NBAS: variants seen among roughly 807,000 people sequenced by gnomAD.
The protein encoded by NBAS is NAG/BC035112 fusion.
In NBAS, 219 loss-of-function variants were observed where a neutral mutation model predicts 302.5. That is an observed-to-expected ratio of 0.72 (90% CI 0.65 to 0.81). The LOEUF is 0.81. Among genes scored for constraint, NBAS ranks in the 30% least tolerant of loss-of-function variants. The pLI, the probability that NBAS is intolerant of heterozygous loss-of-function variation, is 0.00. For missense variants in NBAS, 2,932 were observed against 2,841.6 expected (o/e 1.03, Z -0.72); for synonymous variants, 1,118 against 1,021.6 (o/e 1.09, Z -1.80).
At chr2:15,047,490 T>C in the NBAS span, among the ~76,000 whole-genome samples, 2 of 151,022 alleles carry the variant, frequency 1.3e-5, no homozygotes, top group African/African-American at 4.9e-5. Flanking sequence ...CTTATGCCAG[T>C]AAGGGCTAGG....
the NBAS span, among the ~76,000 whole-genome samples, chr2:15,059,064 GT>G: frequency 6.6e-6 from 1 of 152,156 alleles, no homozygotes; most frequent in Non-Finnish European, 1.5e-5. Flanking sequence ...TTCAGCCCCT[GT>G]TTTGGGATTC....
chr2:14,922,537 C>T, the NBAS span, among the ~76,000 whole-genome samples: 3 of 152,224 alleles, frequency 2.0e-5, no homozygotes, highest in Non-Finnish European at 2.9e-5. Flanking sequence ...CCTCACATGG[C>T]CTTTTCTCTG....
At chr2:15,273,096 C>T (rs1669404474) in intron 44 of NBAS, among the ~76,000 whole-genome samples, 1 of 152,154 alleles carries the variant, frequency 6.6e-6, no homozygotes, top group Non-Finnish European at 1.5e-5. Flanking sequence ...ATGCTGGCTT[C>T]CCTTTCTTCC....
At chr2:15,174,852 C>CA (rs1339608231) in intron 51 of NBAS, among the ~76,000 whole-genome samples, 1 of 151,906 alleles carries the variant, frequency 6.6e-6, no homozygotes, top group Admixed American at 6.6e-5. Context: ...CAATCATTAA[C>CA]AAAAAAAGAG....
chr2:15,309,522 G>A (rs1195580224), intron 38 of NBAS, among the ~76,000 whole-genome samples: 1 of 152,176 alleles, frequency 6.6e-6, no homozygotes, highest in African/African-American at 2.4e-5. Context: ...ACATGAGAGA[G>A]GCTGGTTTCC....
the NBAS span, among the ~76,000 whole-genome samples, chr2:14,846,489 T>C: frequency 6.8e-6 from 1 of 146,336 alleles, no homozygotes; most frequent in African/African-American, 2.5e-5. Flanking sequence ...CAACTGAAGG[T>C]ACAAAGCTTA....
intron 33 of NBAS, among the ~76,000 whole-genome samples, chr2:15,354,028 C>A (rs2277916): frequency 1.3e-5 from 2 of 151,972 alleles, no homozygotes; most frequent in African/African-American, 4.8e-5. Context: ...ATCTGAATTC[C>A]GAAGATCTGA....
intron 7 of NBAS, chr2:15,538,244 C>T (rs7595512): frequency 0.57 from 154,186 of 272,252 alleles, 45,655 homozygotes; most frequent in Non-Finnish European, 0.63. Context: ...CATTTGAGCA[C>T]ACATACAGCT....
the NBAS span, among the ~76,000 whole-genome samples, chr2:15,149,875 A>G: frequency 3.9e-5 from 6 of 152,184 alleles, no homozygotes; most frequent in Admixed American, 6.5e-5. Flanking sequence ...TATTTTGCAC[A>G]TGGGCTCTTG....
At chr2:15,180,890 C>A (rs1016430733) in intron 50 of NBAS, among the ~76,000 whole-genome samples, 3 of 152,160 alleles carry the variant, frequency 2.0e-5, no homozygotes, top group African/African-American at 7.2e-5. Flanking sequence ...TCTGATTAAC[C>A]GTCTACTTGC....
chr2:14,804,064 T>C, the NBAS span, among the ~76,000 whole-genome samples: 1 of 152,210 alleles, frequency 6.6e-6, no homozygotes, highest in African/African-American at 2.4e-5. Context: ...GGATTTTGTA[T>C]GTCTGAATTT....
chr2:15,454,985 C>T (rs1362435682), intron 21 of NBAS, among the ~76,000 whole-genome samples: 1 of 151,692 alleles, frequency 6.6e-6, no homozygotes, highest in African/African-American at 2.4e-5. Context: ...TCACTGCAAC[C>T]TCTGCCTCAT....
At chr2:15,119,307 T>TTC in the NBAS span, among the ~76,000 whole-genome samples, 3 of 103,102 alleles carry the variant, frequency 2.9e-5, no homozygotes, top group South Asian at 7.8e-4. Context: ...TCCTTTCTTT[T>TTC]TTTTTTTTTT....
At chr2:15,136,324 T>C in the NBAS span, among the ~76,000 whole-genome samples, 2 of 152,182 alleles carry the variant, frequency 1.3e-5, no homozygotes, top group Non-Finnish European at 2.9e-5. Context: ...GCCTATATTG[T>C]CCTTATGAAA....
At chr2:15,106,179 G>A in the NBAS span, among the ~76,000 whole-genome samples, 1 of 152,078 alleles carries the variant, frequency 6.6e-6, no homozygotes, top group Non-Finnish European at 1.5e-5. Flanking sequence ...CAAGAGTTTG[G>A]ACTCTGTCCT....
At chr2:14,886,108 T>C in the NBAS span, among the ~76,000 whole-genome samples, 1 of 152,142 alleles carries the variant, frequency 6.6e-6, no homozygotes, top group Non-Finnish European at 1.5e-5. Context: ...GTTTTGCTAA[T>C]ATCACACGCT....
intron 11 of NBAS, among the ~76,000 whole-genome samples, chr2:15,496,963 A>G (rs999457073): frequency 3.3e-5 from 5 of 152,206 alleles, no homozygotes; most frequent in Admixed American, 2.6e-4. Flanking sequence ...GAGTCTGAGG[A>G]TATGAAAAAT....
the NBAS span, among the ~76,000 whole-genome samples, chr2:14,789,627 A>G: frequency 6.6e-6 from 1 of 152,206 alleles, no homozygotes; most frequent in Non-Finnish European, 1.5e-5. Context: ...TAGAGCAAAC[A>G]CATGTAGGCA....
the NBAS span, among the ~76,000 whole-genome samples, chr2:15,119,000 G>A: frequency 3.9e-4 from 59 of 152,338 alleles, 1 homozygote; most frequent in South Asian, 0.012. Flanking sequence ...CAGGGGTCCA[G>A]AATAACAAAC....
Sources: allele counts gnomAD v4.1 joint callset (sites outside exome capture counted in the v4.1 genomes callset), GRCh38; gene constraint gnomAD v4.1.1; transcripts MANE v1.5; gene names NCBI Gene and HGNC (gene_info 2026-07-23, HGNC 2026-07-21).